The following ZNF768 variants were observed in gnomAD, a reference collection of about 807,000 sequenced individuals.
ZNF768 encodes the protein zinc finger protein 768.
ZNF768 carries 12 observed loss-of-function variants against 39.7 expected under a neutral mutation model. The ratio of observed to expected loss-of-function variants is 0.30; its 90% CI spans 0.19 to 0.49. ZNF768 has a LOEUF of 0.49. Ranked by LOEUF, ZNF768 falls within the 20% of genes least tolerant of loss-of-function variation. The pLI is 0.99. For missense variants in ZNF768, 613 were observed against 723.2 expected, an observed-to-expected ratio of 0.85 and a Z score of 1.75; for synonymous variants, 360 against 288.4, an observed-to-expected ratio of 1.25 and a Z score of -2.52.
chr16:30,531,648 G>T (rs1354911708), upstream of ZNF768: 1 of 152,172 alleles, frequency 6.6e-6, no homozygotes, highest in Admixed American at 6.5e-5. Flanking sequence ...AAATTAGCCA[G>T]GCATAGTGTT....
chr16:30,524,528 C>T lies in ZNF768; in HGVS notation c.1612G>A (p.Gly538Ser). 1 of 1,607,914 alleles carries T rather than the reference C, an allele frequency of 6.2e-7. No homozygotes were observed. Among genetic ancestry groups the T allele is most frequent in the Non-Finnish European group, 8.5e-7 (1 of 1,178,752 alleles). ...GCTGGGGCCCCAGGTCAGCGCCGGC[C>T]CGCCGCGTGGGTCCGCTGGTGGCGG... ...LIRHQRTHAA[G>S]RR The change falls in exon 2 of 2, where the codon GGC (glycine) becomes AGC (serine). Residue 538 changes from glycine to serine, a missense_variant. Coordinates refer to ENST00000380412, the MANE Select transcript of ZNF768 (RefSeq NM_024671.4).
intron 1 of ZNF768, 34 bp from the exon 2 acceptor site, chr16:30,526,085 C>G (rs2151215372): frequency 1.3e-6 from 2 of 1,494,536 alleles, no homozygotes; most frequent in Non-Finnish European, 1.8e-6. Flanking sequence ...CGTGTGAGAC[C>G]TGGAAGGTCA....
chr16:30,524,487 C>G lies in ZNF768; in HGVS notation c.*30G>C. 2 of 1,583,334 alleles carry G rather than the reference C, an allele frequency of 1.3e-6. No homozygotes were observed. ...GCTCCCTGGCCCCTTATCTTCTGCC[C>G]ACACCTCCCACCCCTGCTGGGGCCC... On this transcript the variant is annotated 3_prime_UTR_variant, in exon 2 of 2. Transcript: ENST00000380412.
chr16:30,526,261 C>G (rs2051322449), intron 1 of ZNF768, 65 bp downstream of exon 1: 12 of 1,598,650 alleles, frequency 7.5e-6, no homozygotes, highest in Non-Finnish European at 1.0e-5. Flanking sequence ...CTCGCTCCCT[C>G]CCTGGAGCCA....
chr16:30,526,694 G>T, upstream of ZNF768: 1 of 932,916 alleles, frequency 1.1e-6, no homozygotes, highest in Non-Finnish European at 1.3e-6. Context: ...GAGGGGCTTC[G>T]CGACTACCCC....
At chr16:30,529,032 C>T (rs960427850), upstream of ZNF768, among the ~76,000 whole-genome samples, 2 of 152,196 alleles carry the variant, frequency 1.3e-5, no homozygotes, top group Non-Finnish European at 2.9e-5. Context: ...CCCAGGCACC[C>T]GCATTTCCAA....
chr16:30,524,249 C>T lies in ZNF768; in HGVS notation c.*268G>A. ...CTGCTCTAGCAGTTGCCAAGCCAGG[C>T]ACCCACCAAGGAGCCGCGGCTGAGG... is the stretch of plus-strand genomic sequence containing the variant. On this transcript the variant is annotated 3_prime_UTR_variant, in exon 2 of 2. Transcript: ENST00000380412. 2.2e-6 allele frequency: 1 copy of T among 452,014 alleles called. No homozygotes were observed. The highest frequency in any genetic ancestry group is 3.6e-5 in the South Asian group (1 of 27,652). 28.0% of individuals were successfully genotyped at this position (452,014 alleles called of 1,614,324 possible). A position where few individuals can be genotyped will look rare whatever the true frequency, so the allele number is the denominator to read the frequency against.
intron 1 of ZNF768, 21 bp downstream of exon 1, chr16:30,526,305 G>C (rs199752525): frequency 5.6e-6 from 9 of 1,607,534 alleles, no homozygotes; most frequent in African/African-American, 1.3e-5. Context: ...TCCACTCCTC[G>C]GACGGGCGCT....
chr16:30,527,322 T>A (rs1035739074), upstream of ZNF768: 21 of 983,614 alleles, frequency 2.1e-5, no homozygotes, highest in Non-Finnish European at 2.2e-5. Flanking sequence ...CCCCTGATCC[T>A]CCTCCTCCCT....
In ZNF768 at chr16:30,525,278, G is replaced by C; in HGVS notation, c.862C>G (p.Pro288Ala). 6.2e-7 allele frequency: 1 copy of C among 1,614,222 alleles called. No individual in the cohort carries two copies. The highest frequency in any genetic ancestry group is 2.2e-5 in the East Asian group (1 of 44,882). ...QHQRIHTGEK[P>A]YKCEVCSKAF... ...TTGCTGCAGACCTCACATTTGTAGGGCTTCTCACCGGTGTGGATGCGCTGG... is the reference window on the plus strand; with the variant it reads ...TTGCTGCAGACCTCACATTTGTAGGCCTTCTCACCGGTGTGGATGCGCTGG... The change falls in exon 2 of 2, where the codon CCC (proline) becomes GCC (alanine). Residue 288 changes from proline to alanine, a missense_variant. Coordinates refer to ENST00000380412, the MANE Select transcript of ZNF768 (RefSeq NM_024671.4).
intron 1 of ZNF768, 130 bp from the exon 2 acceptor site, chr16:30,526,181 T>C: frequency 1.3e-6 from 2 of 1,510,672 alleles, no homozygotes; most frequent in Non-Finnish European, 1.8e-6. Flanking sequence ...CACGCCCCCC[T>C]CAGCTGACCC....
At position 30,524,584 on chromosome 16, in the gene ZNF768, C is replaced by T. The variant is rs200496114; in HGVS notation, c.1556G>A (p.Gly519Glu). Residue 519 changes from glycine to glutamate, a missense_variant, in exon 2 of 2, where the codon GGA becomes GAA. Around this residue, in one of 4 missense-constraint regions of ZNF768, gnomAD observed 204 missense variants for 281.7 expected, o/e 0.72. Transcript: ENST00000380412. ...GERPYKCDDCGKAFSQSSDLI... is the reference protein window; with the variant it reads ...GERPYKCDDCEKAFSQSSDLI... ...GTCGGAGCTCTGGGAGAAGGCCTTT[C>T]CGCAGTCATCGCACTTGTAAGGCCG... is the stretch of plus-strand genomic sequence containing the variant. 6 of 1,612,558 alleles carry T rather than the reference C, an allele frequency of 3.7e-6. No individual in the cohort carries two copies. Among genetic ancestry groups the T allele is most frequent in the Non-Finnish European group, 5.1e-6 (6 of 1,179,934 alleles).
upstream of ZNF768, among the ~76,000 whole-genome samples, chr16:30,529,382 C>T (rs2051351908): frequency 6.6e-6 from 1 of 152,232 alleles, no homozygotes; most frequent in Non-Finnish European, 1.5e-5. Flanking sequence ...TAGGGCAGAG[C>T]CATTCAGTGT....
At position 30,524,485 on chromosome 16, in the gene ZNF768, C is replaced by T. The variant is rs770556454; in HGVS notation, c.*32G>A. On this transcript the variant is annotated 3_prime_UTR_variant, in exon 2 of 2. Coordinates refer to ENST00000380412, the MANE Select transcript of ZNF768 (RefSeq NM_024671.4). ...TAGCTCCCTGGCCCCTTATCTTCTG[C>T]CCACACCTCCCACCCCTGCTGGGGC... 86 of 1,581,160 alleles carry T rather than the reference C, an allele frequency of 5.4e-5. No individual in the cohort carries two copies. Among genetic ancestry groups the T allele is most frequent in the Admixed American group, 5.2e-5 (3 of 57,416 alleles).
rs1485490232 is a variant in ZNF768 at position 30,526,521 on chromosome 16, C to T, written c.-108G>A. ...CCGCCTCCCGCCCGCTCAGCGCCGC[C>T]CAGGGGACTCGGCGGCCCAGCCCGG... On this transcript the variant is annotated 5_prime_UTR_variant, in exon 1 of 2. Coordinates refer to ENST00000380412, the MANE Select transcript of ZNF768 (RefSeq NM_024671.4). 9 of 1,147,306 alleles carry T rather than the reference C, an allele frequency of 7.8e-6. No individual in the cohort carries two copies. Among genetic ancestry groups the T allele is most frequent in the Non-Finnish European group, 9.7e-6 (9 of 931,964 alleles). The allele number at this position is 1,147,306 out of a possible 1,614,324, so 71.1% of individuals were successfully genotyped here.
rs747707847 is a variant in ZNF768 at position 30,525,561 on chromosome 16, G to C, written c.579C>G (p.His193Gln). ...ACCCCTGAGTGAAGGAGTCCAGGGG[G>C]TGAACTCCTACGGAGATATTCAAAG... Reference protein sequence around the residue: ...KSPLNISVGVHPLDSFTQGFG... With the variant: ...KSPLNISVGVQPLDSFTQGFG... Residue 193 changes from histidine to glutamine, a missense_variant, in exon 2 of 2, where the codon CAC becomes CAG. By Grantham distance (24) the His-to-Gln change is conservative. Transcript: ENST00000380412. 1 of 1,614,246 alleles carries C rather than the reference G, an allele frequency of 6.2e-7. No individual in the cohort carries two copies. Among genetic ancestry groups the C allele is most frequent in the South Asian group, 1.1e-5 (1 of 91,088 alleles).
At position 30,525,933 on chromosome 16, in the gene ZNF768, G is replaced by T; in HGVS notation, c.207C>A (p.Ser69Arg). The change falls in exon 2 of 2, where the codon AGC becomes AGA. Residue 69 changes from serine (S) to arginine (R), a missense_variant. By Grantham distance (110) the Ser-to-Arg change is moderately radical. Coordinates refer to ENST00000380412, the MANE Select transcript of ZNF768 (RefSeq NM_024671.4). ...TGGGGCTTTGGGGTTCAAACTCTGG[G>T]CTTTGTGGCTCAAACCCAGGGCTCT... ...EPQSPGFEPQ[S>R]PEFEPQSPRF... The T allele has an allele frequency of 6.6e-7, 1 of 1,515,394 alleles. No individual in the cohort carries two copies. The highest frequency in any genetic ancestry group is 8.8e-7 in the Non-Finnish European group (1 of 1,134,946). 93.9% of individuals were successfully genotyped at this position (1,515,394 alleles called of 1,614,324 possible). A position where few individuals can be genotyped will look rare whatever the true frequency, so the allele number is the denominator to read the frequency against.
chr16:30,526,587 G>T (rs2051328111), upstream of ZNF768: 2 of 1,023,848 alleles, frequency 2.0e-6, no homozygotes, highest in African/African-American at 1.7e-5. Flanking sequence ...CCTCTCCAGC[G>T]CGCCGGGCCC....
At position 30,526,058 on chromosome 16, in the gene ZNF768, G is replaced by C. The variant is rs769900159; in HGVS notation, c.89-7C>G. 2.0e-6 allele frequency: 3 copies of C among 1,496,948 alleles called. No homozygotes were observed. Among genetic ancestry groups the C allele is most frequent in the Middle Eastern group, 1.8e-4 (1 of 5,546 alleles). 92.7% of individuals were successfully genotyped at this position (1,496,948 alleles called of 1,614,324 possible). The stretch of plus-strand genomic sequence containing the variant: ...TCATTCTCACTCATGTTGCCTGCAG[G>C]ATGAGAGAATCCAGATCGTGTGAGA... On this transcript the variant is annotated splice_polypyrimidine_tract_variant and splice_region_variant and intron_variant, in intron 1 of 1. Transcript: ENST00000380412.
Sources: gnomAD v4.1 joint callset for allele counts (sites outside exome capture counted in the v4.1 genomes callset) on GRCh38, gnomAD v4.1.1 for gene constraint, gnomAD v4.1.1 regional missense constraint, MANE v1.5 for transcripts, NCBI Gene and HGNC (gene_info 2026-07-23, HGNC 2026-07-21) for gene names.